GRIP1: variants seen among roughly 807,000 people sequenced by gnomAD.
GRIP1 encodes the protein glutamate receptor-interacting protein 1.
Under a neutral mutation model 129.9 loss-of-function variants are expected in GRIP1, and 45 were observed. The observed-to-expected ratio is 0.35, with a 90% confidence interval of 0.27 to 0.44. GRIP1 has a LOEUF of 0.44. Ranked by LOEUF, GRIP1 falls within the 20% of genes least tolerant of loss-of-function variation. The pLI is 1.00. For synonymous variants in GRIP1, 530 were observed against 520.8 expected, an observed-to-expected ratio of 1.02 and a Z score of -0.24; for missense variants, 1,196 against 1,396.8, an observed-to-expected ratio of 0.86 and a Z score of 2.29.
intron 2 of GRIP1, among the ~76,000 whole-genome samples, chr12:66,587,086 T>C (rs2063667947): frequency 6.6e-6 from 1 of 152,224 alleles, no homozygotes; most frequent in African/African-American, 2.4e-5. Context: ...TTTCTGGCCA[T>C]GCTCAGCCAT....
At chr12:66,435,203 T>A (rs554479374) in intron 13 of GRIP1, among the ~76,000 whole-genome samples, 5 of 2,948 alleles carry the variant, frequency 1.7e-3, no homozygotes, top group African/African-American at 2.0e-3. Flanking sequence ...CGTGTGACCA[T>A]TTTTTTTTTT....
At chr12:66,574,098 C>G (rs897032982) in intron 2 of GRIP1, among the ~76,000 whole-genome samples, 10 of 152,136 alleles carry the variant, frequency 6.6e-5, no homozygotes, top group Non-Finnish European at 1.0e-4. Context: ...CTTCTTGACA[C>G]GTGCAGAAAC....
intron 7 of GRIP1, among the ~76,000 whole-genome samples, chr12:66,486,973 T>C (rs1356291615): frequency 6.6e-6 from 1 of 152,052 alleles, no homozygotes; most frequent in Non-Finnish European, 1.5e-5. Context: ...AATTTTTTAA[T>C]AGAAACAGGG....
chr12:66,796,768 A>G (rs532687234), intron 1 of GRIP1, among the ~76,000 whole-genome samples: 1 of 152,122 alleles, frequency 6.6e-6, no homozygotes, highest in African/African-American at 2.4e-5. Context: ...CCACAAATAC[A>G]ATCTTCCTAT....
intron 1 of GRIP1, among the ~76,000 whole-genome samples, chr12:66,769,412 C>T (rs1427431215): frequency 2.6e-5 from 4 of 152,022 alleles, no homozygotes; most frequent in Non-Finnish European, 4.4e-5. Context: ...TTTACCTCCT[C>T]TTTCTGCATG....
chr12:67,056,761 C>T (rs1318677052), intron 1 of GRIP1, among the ~76,000 whole-genome samples: 1 of 152,056 alleles, frequency 6.6e-6, no homozygotes, highest in Non-Finnish European at 1.5e-5. Context: ...TTACATATGC[C>T]ACTGAATAAT....
chr12:66,609,072 T>C (rs987524160), intron 1 of GRIP1, among the ~76,000 whole-genome samples: 27 of 151,940 alleles, frequency 1.8e-4, no homozygotes, highest in African/African-American at 6.3e-4. Context: ...CAATCATGGG[T>C]ATTATTACCT....
At chr12:66,370,136 C>T (rs2055403111) in intron 23 of GRIP1, among the ~76,000 whole-genome samples, 1 of 152,210 alleles carries the variant, frequency 6.6e-6, no homozygotes. Flanking sequence ...CACCCATCCT[C>T]TACCTTCCTC....
chr12:66,415,161 G>A (rs1248773812), intron 15 of GRIP1, among the ~76,000 whole-genome samples: 1 of 152,088 alleles, frequency 6.6e-6, no homozygotes, highest in East Asian at 1.9e-4. Flanking sequence ...AAGAGCTTAT[G>A]CACAGCAAAA....
chr12:66,902,744 G>A (rs2040863181), intron 1 of GRIP1, among the ~76,000 whole-genome samples: 1 of 152,132 alleles, frequency 6.6e-6, no homozygotes, highest in Non-Finnish European at 1.5e-5. Flanking sequence ...TAATATATTT[G>A]GATATAGACA....
intron 1 of GRIP1, among the ~76,000 whole-genome samples, chr12:66,652,990 A>G (rs1335759596): frequency 5.3e-5 from 8 of 152,226 alleles, no homozygotes; most frequent in Non-Finnish European, 1.2e-4. Context: ...GACTATCTTA[A>G]AAGAGTACAA....
intron 1 of GRIP1, among the ~76,000 whole-genome samples, chr12:66,958,976 AATAG>A (rs2041883992): frequency 6.6e-6 from 1 of 152,200 alleles, no homozygotes; most frequent in South Asian, 2.1e-4. Context: ...TTTCCTACGT[AATAG>A]ATAAAACTTT....
At chr12:66,399,713 T>G (rs891805075) in intron 16 of GRIP1, among the ~76,000 whole-genome samples, 5 of 151,934 alleles carry the variant, frequency 3.3e-5, no homozygotes, top group African/African-American at 7.3e-5. Flanking sequence ...ACAAAATGAA[T>G]GCTATCTGGC....
chr12:66,802,047 G>A (rs533077358), intron 1 of GRIP1, among the ~76,000 whole-genome samples: 1 of 152,136 alleles, frequency 6.6e-6, no homozygotes, highest in Non-Finnish European at 1.5e-5. Context: ...GCTCTAAGAT[G>A]TAAGTGGATG....
chr12:66,663,109 T>C (rs1191980344), intron 1 of GRIP1, among the ~76,000 whole-genome samples: 4 of 152,206 alleles, frequency 2.6e-5, no homozygotes, highest in Admixed American at 6.5e-5. Flanking sequence ...CTGAGATCAA[T>C]TGGAATTATG....
At chr12:66,571,232 G>A (rs12309778) in intron 2 of GRIP1, among the ~76,000 whole-genome samples, 2,702 of 152,254 alleles carry the variant, frequency 0.018, 75 homozygotes, top group African/African-American at 0.061. Context: ...TTCACACGAT[G>A]TGTAAGAGAA....
chr12:66,459,217 G>A (rs2059062123), intron 9 of GRIP1, among the ~76,000 whole-genome samples: 1 of 152,204 alleles, frequency 6.6e-6, no homozygotes, highest in Non-Finnish European at 1.5e-5. Context: ...ATCAGCCAGA[G>A]TGTCCATGTG....
At chr12:66,566,938 C>T (rs1042108616) in intron 2 of GRIP1, among the ~76,000 whole-genome samples, 1 of 152,170 alleles carries the variant, frequency 6.6e-6, no homozygotes, top group South Asian at 2.1e-4. Context: ...TTATAGTATT[C>T]TCTGATGGTA....
At chr12:66,582,862 C>T in intron 2 of GRIP1, among the ~76,000 whole-genome samples, 1 of 145,746 alleles carries the variant, frequency 6.9e-6, no homozygotes, top group East Asian at 2.0e-4. Flanking sequence ...ATGCCATCCC[C>T]ATCAAGCTAC....
Sources: gnomAD v4.1 joint callset for allele counts (sites outside exome capture counted in the v4.1 genomes callset) on GRCh38, gnomAD v4.1.1 for gene constraint, MANE v1.5 for transcripts, NCBI Gene and HGNC (gene_info 2026-07-23, HGNC 2026-07-21) for gene names.